The following SYT16 variants were observed in gnomAD, a reference collection of about 807,000 sequenced individuals.
SYT16 encodes synaptotagmin 16.
SYT16 carries 42 observed loss-of-function variants against 61.4 expected under a neutral mutation model. The ratio of observed to expected loss-of-function variants is 0.68; its 90% CI spans 0.53 to 0.89. The LOEUF (loss-of-function observed/expected upper bound fraction) is 0.89, where lower values mean the gene tolerates loss of function less well. SYT16 is among the 40% of genes least tolerant of loss of function. SYT16 has a pLI of 0.00. For synonymous variants in SYT16, 314 were observed against 302.3 expected (o/e 1.04, Z -0.40); for missense variants, 804 against 807.3 (o/e 1.00, Z 0.05).
intron 7 of SYT16, among the ~76,000 whole-genome samples, chr14:62,095,794 A>G (rs2057255502): frequency 6.6e-6 from 1 of 151,948 alleles, no homozygotes; most frequent in South Asian, 2.1e-4. Context: ...TGGCAAACTC[A>G]TTCTAAAATT....
chr14:61,827,683 T>A (rs2045813856), intron 1 of SYT16, among the ~76,000 whole-genome samples: 1 of 152,206 alleles, frequency 6.6e-6, no homozygotes, highest in South Asian at 2.1e-4. Flanking sequence ...TATTTTGGAT[T>A]ATTTACACAC....
rs967648133 is a variant in SYT16, at chr14:62,079,261, C to G, written c.994-1573C>G. 9 of 685,670 alleles carry G rather than the reference C, an allele frequency of 1.3e-5. No individual in the cohort carries two copies. In the Admixed American group the frequency reaches 2.1e-4, roughly 16 times the overall value. The allele number at this position is 685,670 out of a possible 1,614,324, so 42.5% of individuals were successfully genotyped here. A position where few individuals can be genotyped will look rare whatever the true frequency, so the allele number is the denominator to read the frequency against. ...AACTAAGTACCTCTGAATAGAAACA[C>G]TCACGCATGATTGCATGCTCACAGG... On this transcript the variant is annotated intron_variant, in intron 5 of 7. Coordinates refer to ENST00000683842, the MANE Select transcript of SYT16 (RefSeq NM_001367656.1).
chr14:62,082,053 C>T (rs538249530), intron 6 of SYT16, among the ~76,000 whole-genome samples: 9 of 152,202 alleles, frequency 5.9e-5, no homozygotes, highest in African/African-American at 1.4e-4. Flanking sequence ...GATAGGCTGC[C>T]GCTTGTTTAG....
At chr14:61,862,581 C>G (rs1006349180) in intron 1 of SYT16, among the ~76,000 whole-genome samples, 1 of 152,180 alleles carries the variant, frequency 6.6e-6, no homozygotes, top group African/African-American at 2.4e-5. Context: ...TCAGCATCTC[C>G]CACTAGACTG....
Position 61,995,998 on chromosome 14 carries a change from T to C in SYT16, c.-22T>C, listed in dbSNP as rs759313058. 11 of 1,560,408 alleles carry C rather than the reference T, an allele frequency of 7.0e-6. No homozygotes were observed. The highest frequency in any genetic ancestry group is 2.3e-5 in the East Asian group (1 of 44,358). ...CTGAAGGAACTGAACAACTGGACAC[T>C]GTAGACATCAGATAGCTGGCCATGG... On this transcript the variant is annotated 5_prime_UTR_variant, in exon 3 of 8. Transcript: ENST00000683842.
intron 7 of SYT16, among the ~76,000 whole-genome samples, chr14:62,099,970 A>G (rs1177170333): frequency 6.6e-6 from 1 of 152,210 alleles, no homozygotes; most frequent in Non-Finnish European, 1.5e-5. Flanking sequence ...TGAGAAAAGA[A>G]TTCTCCAATT....
At chr14:61,935,575 C>A (rs2049947822) in intron 1 of SYT16, among the ~76,000 whole-genome samples, 1 of 152,102 alleles carries the variant, frequency 6.6e-6, no homozygotes, top group South Asian at 2.1e-4. Context: ...GGTAAGAAAA[C>A]CGATCTAGTT....
chr14:61,994,316 C>T (rs2052677083), intron 2 of SYT16, among the ~76,000 whole-genome samples: 1 of 152,092 alleles, frequency 6.6e-6, no homozygotes, highest in Admixed American at 6.6e-5. Flanking sequence ...TCTCAAACTT[C>T]CGTGGGTGTC....
At chr14:61,848,101 T>C (rs1203391909) in intron 1 of SYT16, among the ~76,000 whole-genome samples, 1 of 152,198 alleles carries the variant, frequency 6.6e-6, no homozygotes, top group Admixed American at 6.5e-5. Flanking sequence ...TCCTGTATGG[T>C]CTTCATGCTT....
intron 1 of SYT16, among the ~76,000 whole-genome samples, chr14:61,918,013 C>A (rs2049184987): frequency 6.6e-6 from 1 of 152,156 alleles, no homozygotes. Context: ...CTACCTCAGC[C>A]ATCCATGTGG....
At chr14:62,059,920 T>C (rs2055752871) in intron 3 of SYT16, among the ~76,000 whole-genome samples, 1 of 152,034 alleles carries the variant, frequency 6.6e-6, no homozygotes, top group South Asian at 2.1e-4. Flanking sequence ...GAAAAAATAA[T>C]AGACCATACT....
intron 1 of SYT16, among the ~76,000 whole-genome samples, chr14:61,918,487 G>T (rs2049204543): frequency 6.6e-6 from 1 of 151,966 alleles, no homozygotes; most frequent in Non-Finnish European, 1.5e-5. Flanking sequence ...AGTGATGAGG[G>T]GACTGAGGGA....
intron 7 of SYT16, among the ~76,000 whole-genome samples, chr14:62,086,813 G>C (rs1422872843): frequency 1.3e-5 from 2 of 152,212 alleles, no homozygotes; most frequent in African/African-American, 4.8e-5. Context: ...GCATAGTGTT[G>C]CAATAAAACT....
Position 61,947,267 on chromosome 14 carries a change from C to CGTGTGTGTGTGTGTGT in SYT16, c.-324-22836_-324-22821dup, listed in dbSNP as rs59798244. Among the ~76,000 whole-genome samples the CGTGTGTGTGTGTGTGT allele has an allele frequency of 3.3e-3, 412 of 125,906 alleles. 9 individuals carry two copies. The highest frequency in any genetic ancestry group is 5.0e-3 in the East Asian group (21 of 4,226). 82.6% of individuals were successfully genotyped at this position (125,906 alleles called of 152,430 possible). A position where few individuals can be genotyped will look rare whatever the true frequency, so the allele number is the denominator to read the frequency against. On this transcript the variant is annotated intron_variant, in intron 1 of 7. Transcript: ENST00000683842. ...CTTTTGGCCTCTGACTTTAGTCCTT[C>CGTGTGTGTGTGTGTGT]GTGTGTGTGTGTGTGTGTGTGTGTG...
At chr14:62,030,483 G>A (rs1354150700) in intron 3 of SYT16, among the ~76,000 whole-genome samples, 2 of 152,130 alleles carry the variant, frequency 1.3e-5, no homozygotes, top group African/African-American at 4.8e-5. Flanking sequence ...ACCTTAATTT[G>A]TTGGGAAATA....
intron 1 of SYT16, among the ~76,000 whole-genome samples, chr14:61,826,987 A>T (rs1175578183): frequency 6.6e-6 from 1 of 151,974 alleles, no homozygotes; most frequent in Non-Finnish European, 1.5e-5. Flanking sequence ...CACCAGTTCC[A>T]TTAAATTAGA....
intron 3 of SYT16, among the ~76,000 whole-genome samples, chr14:62,068,266 G>A (rs2056145610): frequency 6.6e-6 from 1 of 152,104 alleles, no homozygotes; most frequent in Admixed American, 6.6e-5. Flanking sequence ...TCTGCCATTT[G>A]CCCTAACATG....
chr14:61,846,041 CA>C (rs1256313911), intron 1 of SYT16, among the ~76,000 whole-genome samples: 2 of 152,150 alleles, frequency 1.3e-5, no homozygotes, highest in Non-Finnish European at 2.9e-5. Context: ...GATATTATCT[CA>C]GTTTTTTGAA....
chr14:62,076,948 A>T (rs2056518462), intron 5 of SYT16, among the ~76,000 whole-genome samples: 1 of 152,216 alleles, frequency 6.6e-6, no homozygotes, highest in African/African-American at 2.4e-5. Context: ...AAATACCCAG[A>T]CATCTCTGTG....
Sources: gnomAD v4.1 joint callset for allele counts (sites outside exome capture counted in the v4.1 genomes callset) on GRCh38, gnomAD v4.1.1 for gene constraint, MANE v1.5 for transcripts, NCBI Gene and HGNC (gene_info 2026-07-23, HGNC 2026-07-21) for gene names.